Variants in DNAJC6 observed in about 807,000 individuals in gnomAD.
DNAJC6 encodes auxilin.
In DNAJC6, 34 loss-of-function variants were observed where a neutral mutation model predicts 110.0. The ratio of observed to expected loss-of-function variants is 0.31; its 90% CI spans 0.24 to 0.41. The LOEUF is 0.41. Ranked by LOEUF, DNAJC6 falls within the 10% of genes least tolerant of loss-of-function variation. The probability of loss-of-function intolerance (pLI) is 1.00; values close to 1 mark genes in which losing one functional copy is unlikely to be tolerated. For missense variants in DNAJC6, 1,031 were observed against 1,207.8 expected (o/e 0.85, Z 2.17); for synonymous variants, 406 against 437.2 (o/e 0.93, Z 0.89).
intron 1 of DNAJC6, among the ~76,000 whole-genome samples, chr1:65,302,523 C>CTTTTTTTT (rs1169755787): frequency 2.0e-4 from 17 of 85,328 alleles, no homozygotes; most frequent in East Asian, 3.4e-4. Context: ...CTCTTCCTTT[C>CTTTTTTTT]TTTTTTTTTT....
At chr1:65,285,178 C>G (rs1570217093) in intron 1 of DNAJC6, among the ~76,000 whole-genome samples, 2 of 152,208 alleles carry the variant, frequency 1.3e-5, no homozygotes, top group South Asian at 4.1e-4. Context: ...TAAACAGCAG[C>G]AATTGCTCTT....
intron 4 of DNAJC6, among the ~76,000 whole-genome samples, chr1:65,370,517 CA>C (rs1645695623): frequency 6.6e-6 from 1 of 152,172 alleles, no homozygotes; most frequent in Non-Finnish European, 1.5e-5. Context: ...TTACTGTTGG[CA>C]ATAAATGGAA....
intron 4 of DNAJC6, among the ~76,000 whole-genome samples, chr1:65,370,613 CCTT>C (rs1176501625): frequency 6.6e-6 from 1 of 152,212 alleles, no homozygotes; most frequent in African/African-American, 2.4e-5. Flanking sequence ...CTTTGTCTCT[CCTT>C]CTTCCACTGT....
At chr1:65,339,228 A>G (rs1421266080) in intron 1 of DNAJC6, among the ~76,000 whole-genome samples, 1 of 152,170 alleles carries the variant, frequency 6.6e-6, no homozygotes. Context: ...TATTTCACAG[A>G]TGAAGGAACA....
intron 13 of DNAJC6, 54 bp downstream of exon 13, chr1:65,395,086 C>T: frequency 1.3e-6 from 2 of 1,516,146 alleles, no homozygotes; most frequent in Non-Finnish European, 1.8e-6. Flanking sequence ...TGCAAGATAT[C>T]AGTAAGTGCT....
chr1:65,361,395 A>G (rs1228150761), intron 1 of DNAJC6, among the ~76,000 whole-genome samples: 3 of 152,230 alleles, frequency 2.0e-5, no homozygotes, highest in African/African-American at 7.2e-5. Flanking sequence ...TTAGGTATCA[A>G]TAGCTCTTAA....
chr1:65,377,678 C>A (rs1329503544), intron 4 of DNAJC6, among the ~76,000 whole-genome samples: 1 of 152,108 alleles, frequency 6.6e-6, no homozygotes, highest in Non-Finnish European at 1.5e-5. Context: ...TTCTTGGCAG[C>A]CCCAGACAGA....
At chr1:65,386,033 T>C in intron 7 of DNAJC6, 127 bp downstream of exon 7, 1 of 1,003,672 alleles carries the variant, frequency 1.0e-6, no homozygotes, top group Non-Finnish European at 1.4e-6. Flanking sequence ...ATAAAAAATG[T>C]TCAACATCAG....
At chr1:65,406,263 A>G (rs1266373720) in intron 16 of DNAJC6, 130 bp downstream of exon 16, 25 of 1,300,230 alleles carry the variant, frequency 1.9e-5, no homozygotes, top group Non-Finnish European at 2.6e-5. Flanking sequence ...AGGGAATCTT[A>G]TAGTTGTAGA....
upstream of DNAJC6, among the ~76,000 whole-genome samples, chr1:65,308,454 A>T (rs1245875502): frequency 6.6e-6 from 1 of 152,226 alleles, no homozygotes; most frequent in Admixed American, 6.5e-5. Context: ...TTATTATTTT[A>T]GGTGAAAATA....
At chr1:65,353,340 A>T (rs1645509926) in intron 1 of DNAJC6, among the ~76,000 whole-genome samples, 1 of 152,188 alleles carries the variant, frequency 6.6e-6, no homozygotes, top group African/African-American at 2.4e-5. Context: ...TTTGGTCCAC[A>T]TGTTGAAGAG....
chr1:65,303,739 T>C (rs1645012222), intron 1 of DNAJC6, among the ~76,000 whole-genome samples: 1 of 152,034 alleles, frequency 6.6e-6, no homozygotes, highest in Non-Finnish European at 1.5e-5. Flanking sequence ...TTTGTTTGTT[T>C]GTTTGTTTGT....
At chr1:65,331,651 T>G (rs12079806) in intron 1 of DNAJC6, among the ~76,000 whole-genome samples, 2,816 of 152,298 alleles carry the variant, frequency 0.018, 79 homozygotes, top group African/African-American at 0.055. Flanking sequence ...TTCCTCATAA[T>G]AACCAGACAT....
intron 1 of DNAJC6, among the ~76,000 whole-genome samples, chr1:65,296,196 A>T (rs1402473031): frequency 6.6e-6 from 1 of 152,244 alleles, no homozygotes; most frequent in African/African-American, 2.4e-5. Context: ...AGGGAATTTT[A>T]AAAAATGATG....
At chr1:65,364,988 G>T (rs1306201061) in intron 2 of DNAJC6, among the ~76,000 whole-genome samples, 1 of 152,138 alleles carries the variant, frequency 6.6e-6, no homozygotes, top group African/African-American at 2.4e-5. Flanking sequence ...TCAGTTCATT[G>T]CCACATTAGA....
intron 4 of DNAJC6, among the ~76,000 whole-genome samples, chr1:65,368,752 T>TC (rs145072672): frequency 0.99 from 97,265 of 97,962 alleles, 48,285 homozygotes; most frequent in Middle Eastern, 1. Flanking sequence ...TCCCCTCCCC[T>TC]CCCTTCTCTT....
At chr1:65,403,451 C>T (rs1473950311) in intron 15 of DNAJC6, among the ~76,000 whole-genome samples, 4 of 152,214 alleles carry the variant, frequency 2.6e-5, no homozygotes, top group Non-Finnish European at 5.9e-5. Context: ...CATTAATTCC[C>T]TCATTTCACA....
In DNAJC6 at chr1:65,368,820, G is replaced by A. The variant is rs1477323269; in HGVS notation, c.543+2624G>A. On this transcript the variant is annotated intron_variant, in intron 4 of 18. Coordinates refer to ENST00000371069, the MANE Select transcript of DNAJC6 (RefSeq NM_001256864.2). ...AAAAGAGCCTCACTCAGTTGCCCAG[G>A]CTGGAGTACAGTGGCATGATCTTGG... Among the ~76,000 whole-genome samples, 4 of 138,488 alleles carry A rather than the reference G, an allele frequency of 2.9e-5. No homozygotes were observed. In the East Asian group the frequency reaches 9.7e-4, roughly 34 times the overall value. The allele number at this position is 138,488 out of a possible 152,430, so 90.9% of individuals were successfully genotyped here.
chr1:65,294,215 C>T (rs1465588436), intron 1 of DNAJC6, among the ~76,000 whole-genome samples: 1 of 152,128 alleles, frequency 6.6e-6, no homozygotes, highest in Non-Finnish European at 1.5e-5. Context: ...TACCTATTGC[C>T]CACCAATCCA....
Sources: allele counts gnomAD v4.1 joint callset (sites outside exome capture counted in the v4.1 genomes callset), GRCh38; gene constraint gnomAD v4.1.1; transcripts MANE v1.5; gene names NCBI Gene and HGNC (gene_info 2026-07-23, HGNC 2026-07-21).